Variants in TPTE observed in about 807,000 individuals in gnomAD.
TPTE encodes putative tyrosine-protein phosphatase TPTE.
A neutral mutation model predicts 84.1 loss-of-function variants in TPTE; 59 were observed. The observed-to-expected ratio is 0.70, with a 90% CI of 0.57 to 0.87. The LOEUF (loss-of-function observed/expected upper bound fraction) is 0.87. TPTE is among the 40% of genes least tolerant of loss of function. The pLI is 0.00. For synonymous variants in TPTE, 130 were observed against 223.5 expected (o/e 0.58, Z 3.73); for missense variants, 382 against 659.6 (o/e 0.58, Z 4.61).
chr21:10,542,861 C>G (rs1392158687), intron 6 of TPTE, among the ~76,000 whole-genome samples: 1 of 152,292 alleles, frequency 6.6e-6, no homozygotes, highest in African/African-American at 2.4e-5. Context: ...TTTGCTTCTT[C>G]CTGTAATGTA....
chr21:10,532,017 C>T (rs1451130551), intron 3 of TPTE, among the ~76,000 whole-genome samples: 2 of 152,310 alleles, frequency 1.3e-5, no homozygotes, highest in Non-Finnish European at 2.9e-5. Context: ...ATACTTATGG[C>T]ATCCCTACAC....
intron 14 of TPTE, among the ~76,000 whole-genome samples, chr21:10,576,123 T>A (rs1256277694): frequency 6.6e-6 from 1 of 152,312 alleles, no homozygotes; most frequent in Non-Finnish European, 1.5e-5. Context: ...AATACATGCA[T>A]GCACACATAT....
chr21:10,572,728 A>G (rs1367877198), intron 14 of TPTE, among the ~76,000 whole-genome samples: 1 of 152,302 alleles, frequency 6.6e-6, no homozygotes, highest in African/African-American at 2.4e-5. Flanking sequence ...CATTCCCACT[A>G]GACTGACCTT....
intron 3 of TPTE, among the ~76,000 whole-genome samples, chr21:10,530,247 C>G (rs2074153819): frequency 6.6e-6 from 1 of 152,302 alleles, no homozygotes; most frequent in Non-Finnish European, 1.5e-5. Context: ...ATTTGGTATG[C>G]TGATTGCCAT....
intron 7 of TPTE, among the ~76,000 whole-genome samples, chr21:10,543,694 C>T (rs1394827678): frequency 1.3e-5 from 2 of 152,306 alleles, no homozygotes; most frequent in African/African-American, 2.4e-5. Context: ...GAGGTCAGTT[C>T]GTAGGAGAGC....
chr21:10,528,512 T>C (rs1398275582), intron 3 of TPTE, among the ~76,000 whole-genome samples: 1 of 152,312 alleles, frequency 6.6e-6, no homozygotes, highest in South Asian at 2.1e-4. Flanking sequence ...GTTGGTCATA[T>C]CACCGCTCCA....
At chr21:10,598,774 G>T (rs2075637044) in intron 21 of TPTE, among the ~76,000 whole-genome samples, 1 of 152,310 alleles carries the variant, frequency 6.6e-6, no homozygotes, top group Non-Finnish European at 1.5e-5. Context: ...ATCTTTCATG[G>T]TCTAATAACC....
At chr21:10,603,188 A>T (rs182985721) in intron 22 of TPTE, among the ~76,000 whole-genome samples, 1 of 152,308 alleles carries the variant, frequency 6.6e-6, no homozygotes, top group Non-Finnish European at 1.5e-5. Flanking sequence ...ATTAAAAGGG[A>T]TGCTGAGGCA....
intron 14 of TPTE, among the ~76,000 whole-genome samples, chr21:10,575,790 T>A (rs1275063636): frequency 6.6e-6 from 1 of 152,218 alleles, no homozygotes; most frequent in African/African-American, 2.4e-5. Context: ...AACAGACACT[T>A]CCCAAAAGAG....
At position 10,584,337 on chromosome 21, in the gene TPTE, CTTTTTTT is replaced by C. The variant is rs58211728; in HGVS notation, c.1027+5745_1027+5751del. Among the ~76,000 whole-genome samples the C allele has an allele frequency of 2.8e-5, 4 of 143,846 alleles. No individual in the cohort carries two copies. The South Asian group carries it at 8.7e-4, about 31-fold the overall frequency. The allele number at this position is 143,846 out of a possible 152,430, so 94.4% of individuals were successfully genotyped here. ...GCAGTTAGCAACTTTCCTAAACTCA[CTTTTTTT>C]TTTTTTTTTTTTGAGGCAGTCTCAT... On this transcript the variant is annotated intron_variant, in intron 17 of 23. Coordinates refer to ENST00000618007, the MANE Select transcript of TPTE (RefSeq NM_199261.4).
intron 17 of TPTE, among the ~76,000 whole-genome samples, chr21:10,582,389 A>G (rs951878152): frequency 6.6e-6 from 1 of 152,310 alleles, no homozygotes; most frequent in African/African-American, 2.4e-5. Context: ...TTGTAGCTTT[A>G]TAATGTGGTT....
At chr21:10,576,439 T>C (rs935183279) in intron 14 of TPTE, 1 of 170,752 alleles carries the variant, frequency 5.9e-6, no homozygotes, top group Non-Finnish European at 1.3e-5. Flanking sequence ...TATCTTAACA[T>C]AGAGATTGAT....
intron 14 of TPTE, 47 bp downstream of exon 14, chr21:10,570,596 CTG>C (rs1338854004): frequency 6.2e-7 from 1 of 1,613,656 alleles, no homozygotes; most frequent in Non-Finnish European, 8.5e-7. Context: ...TGAATGTAGA[CTG>C]TGTAGTCATA....
chr21:10,587,474 G>T (rs1164191973), intron 17 of TPTE, among the ~76,000 whole-genome samples: 5 of 152,250 alleles, frequency 3.3e-5, no homozygotes, highest in African/African-American at 7.2e-5. Context: ...ATGGTATTTG[G>T]TTTTTTGTTC....
At chr21:10,565,257 T>C (rs1204554857) in intron 10 of TPTE, among the ~76,000 whole-genome samples, 2 of 152,304 alleles carry the variant, frequency 1.3e-5, no homozygotes, top group African/African-American at 4.8e-5. Flanking sequence ...CTATATACAA[T>C]AGCCACAAAT....
intron 17 of TPTE, among the ~76,000 whole-genome samples, chr21:10,588,439 A>T (rs1245874204): frequency 6.6e-6 from 1 of 152,306 alleles, no homozygotes; most frequent in Non-Finnish European, 1.5e-5. Context: ...CAGTGCCTTT[A>T]GGGCTTTTTC....
chr21:10,584,577 G>A (rs2075328938), intron 17 of TPTE, among the ~76,000 whole-genome samples: 1 of 152,306 alleles, frequency 6.6e-6, no homozygotes, highest in African/African-American at 2.4e-5. Context: ...GTGCTCAAGT[G>A]ATCCGCCAGC....
rs1365715525 is a variant in TPTE at position 10,605,398 on chromosome 21, A to G, written c.1521-19A>G. The G allele has an allele frequency of 6.2e-7, 1 of 1,612,288 alleles. No individual in the cohort carries two copies. Among genetic ancestry groups the G allele is most frequent in the South Asian group, 1.1e-5 (1 of 90,698 alleles). ...AGTGAGCCCCAATATAAAATGTAATAATTTTTTTCTATTCTTAGGCTTTAT... is the reference window on the plus strand; with the variant it reads ...AGTGAGCCCCAATATAAAATGTAATGATTTTTTTCTATTCTTAGGCTTTAT... On this transcript the variant is annotated intron_variant, in intron 23 of 23. Transcript: ENST00000618007.
At chr21:10,580,900 TTTAG>T (rs2075260018) in intron 17 of TPTE, among the ~76,000 whole-genome samples, 1 of 152,426 alleles carries the variant, frequency 6.6e-6, no homozygotes, top group East Asian at 1.9e-4. Context: ...CCAATTTAAG[TTTAG>T]TTAGATTTTC....
Sources: gnomAD v4.1 joint callset for allele counts (sites outside exome capture counted in the v4.1 genomes callset) on GRCh38, gnomAD v4.1.1 for gene constraint, MANE v1.5 for transcripts, NCBI Gene and HGNC (gene_info 2026-07-23, HGNC 2026-07-21) for gene names.